The following PTPRJ variants were observed in gnomAD, a reference collection of about 807,000 sequenced individuals.
PTPRJ encodes the protein protein tyrosine phosphatase receptor type J.
Under a neutral mutation model 141.3 loss-of-function variants are expected in PTPRJ, and 129 were observed. The observed-to-expected ratio is 0.91, with a 90% CI of 0.79 to 1.06. The LOEUF (loss-of-function observed/expected upper bound fraction) is 1.06, where lower values mean the gene tolerates loss of function less well. Ranked by LOEUF, PTPRJ falls within the 50% of genes least tolerant of loss-of-function variation. The pLI is 0.00. For missense variants in PTPRJ, 1,601 were observed against 1,679.7 expected (o/e 0.95, Z 0.82); for synonymous variants, 610 against 640.5 (o/e 0.95, Z 0.72).
At chr11:48,049,714 C>CA (rs397713247) in intron 1 of PTPRJ, among the ~76,000 whole-genome samples, 2,241 of 50,102 alleles carry the variant, frequency 0.045, 49 homozygotes, top group African/African-American at 0.12. Flanking sequence ...AACTCTGTCT[C>CA]AAAAAAAAAA....
intron 14 of PTPRJ, among the ~76,000 whole-genome samples, chr11:48,145,383 CT>C (rs1328659043): frequency 6.6e-6 from 1 of 152,158 alleles, no homozygotes; most frequent in East Asian, 1.9e-4. Context: ...ATTGACTCCC[CT>C]TATCTATGTG....
chr11:48,136,148 A>G lies in PTPRJ; in HGVS notation c.1725A>G (p.Ile575Met), dbSNP rs758662206. The change falls in exon 9 of 25, where the codon ATA becomes ATG. Residue 575 changes from isoleucine to methionine, a missense_variant. Physicochemically the swap from Ile to Met is conservative, Grantham distance 10. Coordinates refer to ENST00000418331, the MANE Select transcript of PTPRJ (RefSeq NM_002843.4). ...GASEYVYHLV[I>M]ESKHGSNHTS... ...CCGAGTATGTCTACCATTTAGTCATAGAGTCCAAGCATGGCTCTAACCACA... is the reference window on the plus strand; with the variant it reads ...CCGAGTATGTCTACCATTTAGTCATGGAGTCCAAGCATGGCTCTAACCACA... 6.2e-7 allele frequency: 1 copy of G among 1,614,236 alleles called. No homozygotes were observed. The highest frequency in any genetic ancestry group is 1.1e-5 in the South Asian group (1 of 91,086).
intron 8 of PTPRJ, chr11:48,132,772 T>C (rs867314847): frequency 3.1e-6 from 3 of 959,406 alleles, no homozygotes; most frequent in Middle Eastern, 5.3e-4. Context: ...TTTGAGATTC[T>C]CCTTGAAGAA....
intron 1 of PTPRJ, among the ~76,000 whole-genome samples, chr11:48,030,791 G>C (rs756829394): frequency 7.2e-4 from 110 of 152,030 alleles, no homozygotes; most frequent in Non-Finnish European, 1.4e-3. Context: ...GGCCTTTCCT[G>C]CTGCATCAGC....
chr11:48,125,053 C>G lies in PTPRJ; in HGVS notation c.960C>G (p.Ser320=). The G allele has an allele frequency of 6.2e-7, 1 of 1,614,156 alleles. No individual in the cohort carries two copies. Among genetic ancestry groups the G allele is most frequent in the South Asian group, 1.1e-5 (1 of 91,080 alleles). The change falls in exon 6 of 25, where the codon TCC becomes TCG. Residue 320 remains serine, a synonymous_variant. Coordinates refer to ENST00000418331, the MANE Select transcript of PTPRJ (RefSeq NM_002843.4). ...DESLVGPVDP[S]SGQQSRDTEV... ...CCCTCGTGGGACCTGTGGACCCATC[C>G]TCCGGCCAGCAGTCCCGAGACACGG...
At chr11:48,053,645 T>C (rs1196803396) in intron 1 of PTPRJ, among the ~76,000 whole-genome samples, 6 of 145,636 alleles carry the variant, frequency 4.1e-5, no homozygotes, top group African/African-American at 1.5e-4. Flanking sequence ...GGTGTGATCT[T>C]GGCTCATTGC....
intron 1 of PTPRJ, among the ~76,000 whole-genome samples, chr11:48,051,839 T>C (rs1472458528): frequency 6.6e-6 from 1 of 152,244 alleles, no homozygotes; most frequent in Non-Finnish European, 1.5e-5. Context: ...TAGCTTCTTC[T>C]ATGACTTTGA....
chr11:48,122,072 C>T (rs1289809094), intron 4 of PTPRJ, among the ~76,000 whole-genome samples: 2 of 152,048 alleles, frequency 1.3e-5, no homozygotes, highest in East Asian at 3.9e-4. Context: ...TTAAACAAAA[C>T]CTTGCCCAGG....
chr11:48,130,336 G>GA (rs1856942491), intron 7 of PTPRJ, 123 bp from the exon 8 acceptor site: 2 of 1,007,404 alleles, frequency 2.0e-6, no homozygotes, highest in African/African-American at 3.3e-5. Context: ...ATGATACAAA[G>GA]AAGACAGAGA....
chr11:47,983,973 A>C (rs1226153123), intron 1 of PTPRJ, among the ~76,000 whole-genome samples: 5 of 152,216 alleles, frequency 3.3e-5, no homozygotes, highest in African/African-American at 1.2e-4. Flanking sequence ...AGTACAAAGT[A>C]TATTTTGACT....
At chr11:48,020,669 C>T (rs553173231) in intron 1 of PTPRJ, among the ~76,000 whole-genome samples, 5 of 152,168 alleles carry the variant, frequency 3.3e-5, no homozygotes, top group Admixed American at 6.5e-5. Context: ...CCCTCTGAAG[C>T]GAAGCTGCCT....
intron 1 of PTPRJ, among the ~76,000 whole-genome samples, chr11:48,035,656 A>T (rs1429493077): frequency 1.4e-5 from 2 of 141,720 alleles, no homozygotes; most frequent in Admixed American, 1.5e-4. Flanking sequence ...GTAAATGACT[A>T]TGTGCTCTGA....
chr11:48,147,050 G>A (rs1379825244), intron 15 of PTPRJ, 87 bp downstream of exon 15: 2 of 1,131,228 alleles, frequency 1.8e-6, no homozygotes, highest in Non-Finnish European at 1.3e-6. Flanking sequence ...AGATTCAGAA[G>A]GAATGATATG....
intron 1 of PTPRJ, among the ~76,000 whole-genome samples, chr11:48,030,516 G>A (rs1853951726): frequency 6.6e-6 from 1 of 152,192 alleles, no homozygotes; most frequent in East Asian, 1.9e-4. Context: ...GCTGGGCGCG[G>A]TGGGTCACCT....
At chr11:48,094,168 G>A (rs1232586734) in intron 1 of PTPRJ, among the ~76,000 whole-genome samples, 2 of 152,228 alleles carry the variant, frequency 1.3e-5, no homozygotes, top group Admixed American at 1.3e-4. Flanking sequence ...AAGCCACAGT[G>A]CAAGTAGGGA....
At chr11:48,002,519 A>C (rs1247668867) in intron 1 of PTPRJ, among the ~76,000 whole-genome samples, 1 of 133,926 alleles carries the variant, frequency 7.5e-6, no homozygotes, top group Non-Finnish European at 1.5e-5. Flanking sequence ...CTTATTGAGC[A>C]CTTTGTGCTA....
rs146899637 is a variant in PTPRJ at position 48,165,405 on chromosome 11, G to A, written c.3855+890G>A. Among the ~76,000 whole-genome samples the A allele has an allele frequency of 8.6e-3, 1,314 of 152,280 alleles. 32 individuals are homozygous for A. Among genetic ancestry groups the A allele is most frequent in the African/African-American group, 0.03 (1,253 of 41,544 alleles). Reference sequence around the variant, plus strand: ...AGTTTCTGTACTACTGCTGGATTTGGTTTTACCCAAACTGTTACTGAGAAG... The same window carrying A: ...AGTTTCTGTACTACTGCTGGATTTGATTTTACCCAAACTGTTACTGAGAAG... On this transcript the variant is annotated intron_variant, in intron 24 of 24. Transcript: ENST00000418331.
chr11:48,124,097 C>G (rs541502489), intron 5 of PTPRJ, among the ~76,000 whole-genome samples: 1 of 152,126 alleles, frequency 6.6e-6, no homozygotes, highest in East Asian at 1.9e-4. Flanking sequence ...GGAATTGAAA[C>G]TTTTTAGAGT....
At chr11:47,981,140 AAGGCGAC>A in intron 1 of PTPRJ, 132 bp downstream of exon 1, 1 of 978,356 alleles carries the variant, frequency 1.0e-6, no homozygotes, top group Non-Finnish European at 1.3e-6. Context: ...GGATCCCCGG[AAGGCGAC>A]TTGCGGGGAC....
Sources: allele counts gnomAD v4.1 joint callset (sites outside exome capture counted in the v4.1 genomes callset), GRCh38; gene constraint gnomAD v4.1.1; transcripts MANE v1.5; gene names NCBI Gene and HGNC (gene_info 2026-07-23, HGNC 2026-07-21).